CHRM3: variants seen among roughly 807,000 people sequenced by gnomAD.
CHRM3 encodes cholinergic receptor muscarinic 3.
CHRM3 carries 11 observed loss-of-function variants against 41.8 expected under a neutral mutation model. That is an observed-to-expected ratio of 0.26 (90% CI 0.17 to 0.44). CHRM3 has a LOEUF of 0.44. CHRM3 is among the 20% of genes least tolerant of loss of function. The pLI is 1.00. For synonymous variants in CHRM3, 297 were observed against 301.4 expected (o/e 0.99, Z 0.15); for missense variants, 571 against 745.4 (o/e 0.77, Z 2.72).
intron 1 of CHRM3, among the ~76,000 whole-genome samples, chr1:239,431,044 A>G (rs180768879): frequency 6.6e-6 from 1 of 152,258 alleles, no homozygotes; most frequent in East Asian, 1.9e-4. Context: ...TCCATACATT[A>G]TACTGTGGAA....
At chr1:239,807,333 G>GTT (rs1271540475) in intron 5 of CHRM3, among the ~76,000 whole-genome samples, 3 of 152,136 alleles carry the variant, frequency 2.0e-5, no homozygotes, top group Non-Finnish European at 4.4e-5. Flanking sequence ...CAAGAATAAT[G>GTT]TTTACAGATT....
intron 3 of CHRM3, among the ~76,000 whole-genome samples, chr1:239,565,999 T>A (rs2148512661): frequency 6.6e-6 from 1 of 151,270 alleles, no homozygotes; most frequent in Non-Finnish European, 1.5e-5. Context: ...ACTGCAGCCT[T>A]GAGCTTCTGG....
chr1:239,425,586 C>T (rs1203143533), intron 1 of CHRM3, among the ~76,000 whole-genome samples: 1 of 152,102 alleles, frequency 6.6e-6, no homozygotes, highest in East Asian at 1.9e-4. Flanking sequence ...CAACAACTTC[C>T]TTTTGACACT....
chr1:239,468,636 A>G (rs1443369718), intron 1 of CHRM3, among the ~76,000 whole-genome samples: 1 of 152,228 alleles, frequency 6.6e-6, no homozygotes, highest in Non-Finnish European at 1.5e-5. Flanking sequence ...TTTACTGTTT[A>G]GCATTTGACA....
chr1:239,622,525 A>G (rs1415873063), intron 3 of CHRM3, among the ~76,000 whole-genome samples: 1 of 152,138 alleles, frequency 6.6e-6, no homozygotes, highest in Non-Finnish European at 1.5e-5. Context: ...GCCCTCATGG[A>G]TGATTTTGAG....
At chr1:239,883,656 G>T (rs556048980) in intron 6 of CHRM3, among the ~76,000 whole-genome samples, 1 of 152,174 alleles carries the variant, frequency 6.6e-6, no homozygotes, top group Admixed American at 6.5e-5. Context: ...GGGCACAAAA[G>T]TAGTATGTGT....
chr1:239,813,865 C>G (rs998921538), intron 5 of CHRM3, among the ~76,000 whole-genome samples: 3 of 140,400 alleles, frequency 2.1e-5, no homozygotes, highest in South Asian at 4.5e-4. Flanking sequence ...TGCAGTGAGC[C>G]GAGATCCCGC....
chr1:239,571,423 A>C (rs1023183434), intron 3 of CHRM3, among the ~76,000 whole-genome samples: 1 of 152,124 alleles, frequency 6.6e-6, no homozygotes, highest in African/African-American at 2.4e-5. Flanking sequence ...TCAAATCCAC[A>C]CTGAGGTGCA....
intron 5 of CHRM3, among the ~76,000 whole-genome samples, chr1:239,683,373 C>G (rs537234982): frequency 6.6e-6 from 1 of 152,192 alleles, no homozygotes; most frequent in East Asian, 1.9e-4. Context: ...AAGACTATAT[C>G]TGGTGTGCTC....
At chr1:239,713,849 C>T (rs1662065048) in intron 5 of CHRM3, among the ~76,000 whole-genome samples, 1 of 152,140 alleles carries the variant, frequency 6.6e-6, no homozygotes. Context: ...GTATAAAAAA[C>T]GGTGTTCCAT....
At chr1:239,811,938 A>G (rs1671150183) in intron 5 of CHRM3, among the ~76,000 whole-genome samples, 1 of 152,236 alleles carries the variant, frequency 6.6e-6, no homozygotes, top group Non-Finnish European at 1.5e-5. Flanking sequence ...CAAGTAAGCA[A>G]CATGGAAAAA....
intron 5 of CHRM3, among the ~76,000 whole-genome samples, chr1:239,750,081 G>GAC (rs1489027617): frequency 6.6e-6 from 1 of 152,168 alleles, no homozygotes; most frequent in Non-Finnish European, 1.5e-5. Flanking sequence ...CACCCATTCA[G>GAC]ACACACCTTT....
At chr1:239,645,123 G>A (rs1671629404) in intron 4 of CHRM3, among the ~76,000 whole-genome samples, 1 of 152,334 alleles carries the variant, frequency 6.6e-6, no homozygotes, top group East Asian at 1.9e-4. Context: ...CGTGCTTAGA[G>A]TATCATGGAA....
At chr1:239,804,806 T>C (rs1022124257) in intron 5 of CHRM3, among the ~76,000 whole-genome samples, 2 of 152,194 alleles carry the variant, frequency 1.3e-5, no homozygotes, top group Admixed American at 1.3e-4. Flanking sequence ...ATTGACTGTT[T>C]TCTGTGTCAT....
chr1:239,803,801 G>T (rs1053787578), intron 5 of CHRM3, among the ~76,000 whole-genome samples: 1 of 152,162 alleles, frequency 6.6e-6, no homozygotes, highest in Non-Finnish European at 1.5e-5. Flanking sequence ...CAAGCAGAGC[G>T]GGGTTCCACC....
In CHRM3 at chr1:239,602,053, T is replaced by TAC. The variant is rs1250262378; in HGVS notation, c.-312-30169_-312-30168dup. On this transcript the variant is annotated intron_variant, in intron 3 of 6. Transcript: ENST00000676153. The stretch of plus-strand genomic sequence containing the variant: ...ATATACACATATATACACATATATA[T>TAC]ACATATATGCACACATATGTACACA... 1.1e-4 allele frequency among the ~76,000 whole-genome samples: 17 copies of TAC among 149,980 alleles called. No homozygotes were observed. In the South Asian group the frequency reaches 2.1e-3, roughly 18 times the overall value.
At chr1:239,543,805 G>A (rs1460887609) in intron 2 of CHRM3, among the ~76,000 whole-genome samples, 1 of 152,040 alleles carries the variant, frequency 6.6e-6, no homozygotes, top group Non-Finnish European at 1.5e-5. Flanking sequence ...ACCGCGCCCT[G>A]CCCAGCAACC....
At chr1:239,459,984 T>A (rs1665235668) in intron 1 of CHRM3, among the ~76,000 whole-genome samples, 1 of 152,184 alleles carries the variant, frequency 6.6e-6, no homozygotes, top group Non-Finnish European at 1.5e-5. Flanking sequence ...CATACTAATT[T>A]GACTCTGCAA....
chr1:239,401,802 G>C (rs1356269067), intron 1 of CHRM3, among the ~76,000 whole-genome samples: 1 of 151,994 alleles, frequency 6.6e-6, no homozygotes, highest in Non-Finnish European at 1.5e-5. Flanking sequence ...AGACTTTGAG[G>C]GGATTTTTAA....
Sources: gnomAD v4.1 joint callset for allele counts (sites outside exome capture counted in the v4.1 genomes callset) on GRCh38, gnomAD v4.1.1 for gene constraint, MANE v1.5 for transcripts, NCBI Gene and HGNC (gene_info 2026-07-23, HGNC 2026-07-21) for gene names.